The following PBRM1 variants were observed in gnomAD, a reference collection of about 807,000 sequenced individuals.
The protein encoded by PBRM1 is polybromo 1.
A neutral mutation model predicts 194.5 loss-of-function variants in PBRM1; 27 were observed. The observed-to-expected ratio is 0.14, with a 90% CI of 0.10 to 0.19. The LOEUF (loss-of-function observed/expected upper bound fraction) is 0.19, where lower values mean the gene tolerates loss of function less well. PBRM1 is among the 10% of genes least tolerant of loss of function. PBRM1 has a pLI of 1.00. For synonymous variants in PBRM1, 655 were observed against 693.2 expected, an observed-to-expected ratio of 0.94 and a Z score of 0.87; for missense variants, 1,466 against 2,077.2, an observed-to-expected ratio of 0.71 and a Z score of 5.72.
chr3:52,664,054 C>T (rs1413231301), intron 3 of PBRM1, among the ~76,000 whole-genome samples: 20 of 136,234 alleles, frequency 1.5e-4, no homozygotes, highest in African/African-American at 4.4e-4. Context: ...AGCCAGACTC[C>T]GTCTCAAAAA....
chr3:52,658,253 T>C, exon 5 of PBRM1: 2 of 1,613,368 alleles, frequency 1.2e-6, no homozygotes, highest in Non-Finnish European at 1.7e-6. Flanking sequence ...CTGATGGATT[T>C]GTAGCTACAA....
chr3:52,639,669 T>C (rs961367486), intron 10 of PBRM1, among the ~76,000 whole-genome samples: 1 of 151,646 alleles, frequency 6.6e-6, no homozygotes, highest in Admixed American at 6.6e-5. Flanking sequence ...GGAGTGGAGG[T>C]TGTAGGGAGC....
chr3:52,567,863 G>T (rs1407082695), intron 22 of PBRM1, among the ~76,000 whole-genome samples: 12 of 146,020 alleles, frequency 8.2e-5, no homozygotes, highest in African/African-American at 2.8e-4. Flanking sequence ...TGGCCAGGCT[G>T]GTCTCGAACT....
chr3:52,666,452 C>A (rs769373142), intron 3 of PBRM1, among the ~76,000 whole-genome samples: 2 of 151,868 alleles, frequency 1.3e-5, no homozygotes, highest in South Asian at 2.1e-4. Context: ...AGGAGAATGG[C>A]GTGAACCTGG....
intron 19 of PBRM1, 60 bp from the exon 22 acceptor site, chr3:52,586,748 CA>C (rs35352950): frequency 0.17 from 30,295 of 181,058 alleles, 196 homozygotes; most frequent in East Asian, 0.22. Flanking sequence ...GAAAATCAAT[CA>C]AAAAAAAAAA....
At chr3:52,650,581 T>A (rs2096463513) in intron 6 of PBRM1, among the ~76,000 whole-genome samples, 1 of 152,152 alleles carries the variant, frequency 6.6e-6, no homozygotes. Flanking sequence ...CACACTGTTT[T>A]CCTTTTTGCC....
At chr3:52,592,845 G>T (rs1326113143) in intron 17 of PBRM1, among the ~76,000 whole-genome samples, 1 of 152,154 alleles carries the variant, frequency 6.6e-6, no homozygotes, top group African/African-American at 2.4e-5. Flanking sequence ...CTTGTTATTG[G>T]TCTGTTCAGG....
intron 11 of PBRM1, among the ~76,000 whole-genome samples, chr3:52,630,394 G>A (rs2095579896): frequency 6.6e-6 from 1 of 152,104 alleles, no homozygotes; most frequent in South Asian, 2.1e-4. Context: ...CTAGCCATGT[G>A]TGGCTATTTA....
chr3:52,637,386 A>G (rs2153669645), intron 10 of PBRM1, among the ~76,000 whole-genome samples: 1 of 152,198 alleles, frequency 6.6e-6, no homozygotes, highest in Admixed American at 6.5e-5. Context: ...AACCCCAACA[A>G]TTCGAGAGGC....
chr3:52,670,366 C>G (rs371805354), intron 2 of PBRM1, among the ~76,000 whole-genome samples: 3 of 152,188 alleles, frequency 2.0e-5, no homozygotes, highest in African/African-American at 7.2e-5. Flanking sequence ...TACAGAAAAC[C>G]ATCAAAAGTA....
chr3:52,548,805 T>C (rs1004413682), intron 29 of PBRM1, among the ~76,000 whole-genome samples: 1 of 152,078 alleles, frequency 6.6e-6, no homozygotes. Context: ...AAGGTAAACA[T>C]GTGAAGAAAG....
At chr3:52,591,748 C>T (rs1236296661) in intron 17 of PBRM1, among the ~76,000 whole-genome samples, 4 of 135,218 alleles carry the variant, frequency 3.0e-5, no homozygotes, top group East Asian at 4.5e-4. Context: ...TTGAACTTCT[C>T]ACCTCGTGAT....
intron 22 of PBRM1, among the ~76,000 whole-genome samples, chr3:52,567,067 CAAA>C (rs936466298): frequency 3.3e-5 from 2 of 59,944 alleles, no homozygotes; most frequent in Admixed American, 1.7e-4. Flanking sequence ...GACTCCATCT[CAAA>C]AAAAAAAAAA....
chr3:52,576,162 G>C (rs148488877), intron 22 of PBRM1, among the ~76,000 whole-genome samples: 115 of 152,178 alleles, frequency 7.6e-4, no homozygotes, highest in Middle Eastern at 3.4e-3. Context: ...GGAGCAGAAA[G>C]AATATTTGAA....
At chr3:52,601,217 A>G (rs545794419) in intron 17 of PBRM1, among the ~76,000 whole-genome samples, 19 of 152,330 alleles carry the variant, frequency 1.2e-4, no homozygotes, top group African/African-American at 4.6e-4. Context: ...CTTCTACTGT[A>G]AACAGTATCA....
At chr3:52,598,262 T>C (rs1247971830) in intron 17 of PBRM1, among the ~76,000 whole-genome samples, 1 of 152,228 alleles carries the variant, frequency 6.6e-6, no homozygotes, top group Non-Finnish European at 1.5e-5. Context: ...AACTTAGTGT[T>C]GTGCAACCAT....
chr3:52,662,901 A>G (rs989184151), intron 3 of PBRM1, among the ~76,000 whole-genome samples: 9 of 151,906 alleles, frequency 5.9e-5, no homozygotes, highest in African/African-American at 2.2e-4. Context: ...AACTTAAAGG[A>G]TAAGATTTGA....
Position 52,628,887 on chromosome 3 carries a change from A to G in PBRM1, c.1443+7T>C. 1.2e-6 allele frequency: 2 copies of G among 1,613,278 alleles called. No homozygotes were observed. Among genetic ancestry groups the G allele is most frequent in the African/African-American group, 2.7e-5 (2 of 75,042 alleles). ...ACAACAAACTCAGCAAAAACAATAA[A>G]TCACACCTGCATAACTTGCTGCAAT... On this transcript the variant is annotated splice_region_variant and intron_variant, in intron 12 of 29. Transcript: ENST00000296302.
intron 3 of PBRM1, among the ~76,000 whole-genome samples, chr3:52,665,429 G>A (rs1413697708): frequency 6.6e-6 from 1 of 151,736 alleles, no homozygotes; most frequent in African/African-American, 2.4e-5. Context: ...CTCCCAAAGC[G>A]CTGGGATTAT....
Sources: allele counts gnomAD v4.1 joint callset (sites outside exome capture counted in the v4.1 genomes callset), GRCh38; gene constraint gnomAD v4.1.1; transcripts MANE v1.5; gene names NCBI Gene and HGNC (gene_info 2026-07-23, HGNC 2026-07-21).